Variants in PITX1 observed in about 807,000 individuals in gnomAD.
PITX1 encodes the protein pituitary homeobox 1.
A neutral mutation model predicts 24.1 loss-of-function variants in PITX1; 5 were observed. That is an observed-to-expected ratio of 0.21 (90% CI 0.11 to 0.44). The LOEUF is 0.44. Among genes scored for constraint, PITX1 ranks in the 20% least tolerant of loss-of-function variants. PITX1 has a pLI of 0.99. For synonymous variants in PITX1, 213 were observed against 208.9 expected (o/e 1.02, Z -0.17); for missense variants, 401 against 455.4 (o/e 0.88, Z 1.09).
rs1752498958 is a variant in PITX1 at position 135,033,396 on chromosome 5, G to A, written c.169+317C>T. On this transcript the variant is annotated intron_variant, in intron 1 of 2. Transcript: ENST00000265340. This position sits in a 1 kb window ranked among gnomAD's most constrained non-coding sequence, Gnocchi z 5.9. ...CTCCCTTCGTCCGAGCCGCTCCTTA[G>A]CGCCCAGTTGCGCAAATCAAATTCT... is the stretch of plus-strand genomic sequence containing the variant. 9.2e-5 allele frequency: 37 copies of A among 400,678 alleles called. 1 individual carries two copies. Among genetic ancestry groups the A allele is most frequent in the South Asian group, 9.1e-4 (37 of 40,562 alleles). 24.8% of individuals were successfully genotyped at this position (400,678 alleles called of 1,614,324 possible). A position where few individuals can be genotyped will look rare whatever the true frequency, so the allele number is the denominator to read the frequency against.
In PITX1 at chr5:135,033,467, C is replaced by A; in HGVS notation, c.169+246G>T. 1.8e-6 allele frequency: 1 copy of A among 552,368 alleles called. No individual in the cohort carries two copies. The highest frequency in any genetic ancestry group is 3.2e-6 in the Non-Finnish European group (1 of 311,262). 34.2% of individuals were successfully genotyped at this position (552,368 alleles called of 1,614,324 possible). A position where few individuals can be genotyped will look rare whatever the true frequency, so the allele number is the denominator to read the frequency against. The stretch of plus-strand genomic sequence containing the variant: ...GATCAAGAGGGGCTGTCAGTCCAAC[C>A]CTCCAGCTGTAGGCTCGTGCATCTG... On this transcript the variant is annotated intron_variant, in intron 1 of 2. Transcript: ENST00000265340. This position sits in a 1 kb window ranked among gnomAD's most constrained non-coding sequence, Gnocchi z 5.9.
At chr5:135,034,390 C>A, upstream of PITX1, 1 of 151,410 alleles carries the variant, frequency 6.6e-6, no homozygotes, top group South Asian at 1.9e-4. Context: ...TCACTGCCGC[C>A]CTCCCTCCCT....
In PITX1 at chr5:135,028,901, G is replaced by C; in HGVS notation, c.823C>G (p.Arg275Gly). 8.7e-6 allele frequency: 14 copies of C among 1,613,818 alleles called. No individual in the cohort carries two copies. Among genetic ancestry groups the C allele is most frequent in the Non-Finnish European group, 1.0e-5 (12 of 1,179,948 alleles). ...GTPASPYSVYRDTCNSSLASL... is the reference protein window; with the variant it reads ...GTPASPYSVYGDTCNSSLASL... The stretch of plus-strand genomic sequence containing the variant: ...GCTAGGCTCGAGTTGCACGTGTCCC[G>C]GTAGACGCTGTAGGGCGAGGCGGGA... The change falls in exon 3 of 3, where the codon CGG becomes GGG. Residue 275 changes from arginine to glycine, a missense_variant. Physicochemically the swap from Arg to Gly is moderately radical, Grantham distance 125 (BLOSUM62 -2). Transcript: ENST00000265340.
chr5:135,030,743 G>A (rs999925181), intron 2 of PITX1, among the ~76,000 whole-genome samples: 1 of 152,200 alleles, frequency 6.6e-6, no homozygotes. Flanking sequence ...GCTGGGGAGG[G>A]TGGAGAATAT....
chr5:135,028,089 T>G lies in PITX1; in HGVS notation c.*690A>C, dbSNP rs541464694. ...ACTGCCCGCTGTCGCTCCGTGGCCT[T>G]AATATAGGGCTCCGGGGCGCGGGGC... On this transcript the variant is annotated 3_prime_UTR_variant, in exon 3 of 3. Transcript: ENST00000265340. 1 of 151,686 alleles carries G rather than the reference T, an allele frequency of 6.6e-6. No homozygotes were observed. The highest frequency in any genetic ancestry group is 6.6e-5 in the Admixed American group (1 of 15,260). 9.4% of individuals were successfully genotyped at this position (151,686 alleles called of 1,614,324 possible). A position where few individuals can be genotyped will look rare whatever the true frequency, so the allele number is the denominator to read the frequency against.
In PITX1 at chr5:135,029,304, C is replaced by T. The variant is rs1749611479; in HGVS notation, c.420G>A (p.Arg140=). 6.3e-7 allele frequency: 1 copy of T among 1,599,298 alleles called. No individual in the cohort carries two copies. The highest frequency in any genetic ancestry group is 8.5e-7 in the Non-Finnish European group (1 of 1,171,900). ...GCTCGCGCTTACGCCACTTGGCTCG[C>T]CGGTTCTTGAACCAGACCTGGGGGA... ...EPRVRVWFKN[R]RAKWRKRERN... Residue 140 remains arginine (R), a synonymous_variant, in exon 3 of 3, where the codon CGG becomes CGA. Coordinates refer to ENST00000265340, the MANE Select transcript of PITX1 (RefSeq NM_002653.5).
chr5:135,032,424 G>A (rs1290579369), intron 1 of PITX1, among the ~76,000 whole-genome samples: 1 of 152,312 alleles, frequency 6.6e-6, no homozygotes, highest in East Asian at 1.9e-4. Flanking sequence ...TAAGGCCCTT[G>A]TAGAGATAAT....
At chr5:135,032,637 T>C (rs1214560657) in intron 1 of PITX1, among the ~76,000 whole-genome samples, 1 of 151,890 alleles carries the variant, frequency 6.6e-6, no homozygotes, top group East Asian at 1.9e-4. Flanking sequence ...AATCGAAAGA[T>C]ACAGTTAAAA....
rs1321940412 is a variant in PITX1 at position 135,033,475 on chromosome 5, TG to T, written c.169+237del. On this transcript the variant is annotated intron_variant, in intron 1 of 2. Transcript: ENST00000265340. The surrounding 1 kb of genome is among the most constrained non-coding windows in gnomAD (Gnocchi z 5.9). ...GGGGCTGTCAGTCCAACCCTCCAGC[TG>T]TAGGCTCGTGCATCTGCCAGTCTCT... 16 of 562,580 alleles carry T rather than the reference TG, an allele frequency of 2.8e-5. No individual in the cohort carries two copies. The highest frequency in any genetic ancestry group is 4.7e-5 in the Non-Finnish European group (15 of 316,976). 34.8% of individuals were successfully genotyped at this position (562,580 alleles called of 1,614,324 possible).
chr5:135,030,080 A>G (rs1043185158), intron 2 of PITX1, among the ~76,000 whole-genome samples: 1 of 152,030 alleles, frequency 6.6e-6, no homozygotes, highest in Non-Finnish European at 1.5e-5. Context: ...AAATATTTAA[A>G]TTTTTTCTAT....
Position 135,028,702 on chromosome 5 carries a change from C to CCCCGCGTGCGTCCTCCGCGCCCGCG in PITX1, c.*52_*76dup. The CCCCGCGTGCGTCCTCCGCGCCCGCG allele has an allele frequency of 9.1e-7, 1 of 1,094,432 alleles. No individual in the cohort carries two copies. Among genetic ancestry groups the CCCCGCGTGCGTCCTCCGCGCCCGCG allele is most frequent in the Non-Finnish European group, 1.2e-6 (1 of 864,096 alleles). The allele number at this position is 1,094,432 out of a possible 1,614,324, so 67.8% of individuals were successfully genotyped here. A position where few individuals can be genotyped will look rare whatever the true frequency, so the allele number is the denominator to read the frequency against. On this transcript the variant is annotated 3_prime_UTR_variant, in exon 3 of 3. Coordinates refer to ENST00000265340, the MANE Select transcript of PITX1 (RefSeq NM_002653.5). The stretch of plus-strand genomic sequence containing the variant: ...GTGAGCTGGGGCTTGCGAGCCGGGG[C>CCCCGCGTGCGTCCTCCGCGCCCGCG]CCCGCGTGCGTCCTCCGCGCCCGCG...
In PITX1 at chr5:135,033,140, C is replaced by G; in HGVS notation, c.169+573G>C. On this transcript the variant is annotated intron_variant, in intron 1 of 2. Coordinates refer to ENST00000265340, the MANE Select transcript of PITX1 (RefSeq NM_002653.5). The surrounding 1 kb of genome is among the most constrained non-coding windows in gnomAD (Gnocchi z 5.9). ...GGGCCGGATCCCTTGATCGGCGTTC[C>G]GGCTGGCCTTGCTGGGAGTCCGGCC... 2.9e-6 allele frequency: 1 copy of G among 343,700 alleles called. No homozygotes were observed. The highest frequency in any genetic ancestry group is 2.1e-5 in the South Asian group (1 of 47,880). 21.3% of individuals were successfully genotyped at this position (343,700 alleles called of 1,614,324 possible).
Position 135,028,665 on chromosome 5 carries a change from G to T in PITX1, c.*114C>A. ...GAGGAGGGGGCTGCGCAGGTGTGAG[G>T]TCCGCGGCGCGGTGAGCTGGGGCTT... On this transcript the variant is annotated 3_prime_UTR_variant, in exon 3 of 3. Transcript: ENST00000265340. 1.5e-6 allele frequency: 1 copy of T among 671,322 alleles called. No individual in the cohort carries two copies. Among genetic ancestry groups the T allele is most frequent in the Non-Finnish European group, 2.0e-6 (1 of 491,418 alleles). The allele number at this position is 671,322 out of a possible 1,614,324, so 41.6% of individuals were successfully genotyped here.
At position 135,033,041 on chromosome 5, in the gene PITX1, C is replaced by A. The variant is rs1429724154; in HGVS notation, c.169+672G>T. 2.2e-6 allele frequency: 1 copy of A among 447,822 alleles called. No homozygotes were observed. Among genetic ancestry groups the A allele is most frequent in the Admixed American group, 2.4e-5 (1 of 42,196 alleles). 27.7% of individuals were successfully genotyped at this position (447,822 alleles called of 1,614,324 possible). A position where few individuals can be genotyped will look rare whatever the true frequency, so the allele number is the denominator to read the frequency against. On this transcript the variant is annotated intron_variant, in intron 1 of 2. Transcript: ENST00000265340. The surrounding 1 kb of genome is among the most constrained non-coding windows in gnomAD (Gnocchi z 5.9). Reference sequence around the variant, plus strand: ...AAGCTCCAGCTCGGACAAAAAAAGGCAGCGCGGAGGGAGACGCGCAGGAGC... The same window carrying A: ...AAGCTCCAGCTCGGACAAAAAAAGGAAGCGCGGAGGGAGACGCGCAGGAGC...
rs372983845 is a variant in PITX1, at chr5:135,034,150, C to CCCGGCT, written c.-275_-270dup. 283 of 151,272 alleles carry CCCGGCT rather than the reference C, an allele frequency of 1.9e-3. No individual in the cohort carries two copies. Among genetic ancestry groups the CCCGGCT allele is most frequent in the African/African-American group, 6.1e-3 (248 of 40,750 alleles). The allele number at this position is 151,272 out of a possible 1,614,324, so 9.4% of individuals were successfully genotyped here. On this transcript the variant is annotated 5_prime_UTR_variant, in exon 1 of 3. Coordinates refer to ENST00000265340, the MANE Select transcript of PITX1 (RefSeq NM_002653.5). ...CTCGGGCCTCAGCAGCCCGGCCGGC[C>CCCGGCT]CCGGCTCCGGCTCCGGCTCCGGCTC...
At chr5:135,031,236 C>T in intron 2 of PITX1, 40 bp downstream of exon 2, 2 of 1,533,992 alleles carry the variant, frequency 1.3e-6, no homozygotes. Flanking sequence ...GCCCGGGAGC[C>T]CTCTGCGCGG....
chr5:135,031,335 C>T lies in PITX1; in HGVS notation c.343G>A (p.Asp115Asn), dbSNP rs1752444008. 1 of 1,613,960 alleles carries T rather than the reference C, an allele frequency of 6.2e-7. No individual in the cohort carries two copies. The highest frequency in any genetic ancestry group is 1.7e-5 in the Admixed American group (1 of 60,010). ...GCGATCTCCTCCCTCATGCTCATGT[C>T]GGGGTAGCGGTTCCTCTGGAACGTG... ...EATFQRNRYP[D>N]MSMREEIAVW... is the part of the protein sequence containing the mutation. The change falls in exon 2 of 3, where the codon GAC becomes AAC. Residue 115 changes from aspartate (D) to asparagine (N), a missense_variant. Physicochemically the swap from Asp to Asn is conservative, Grantham distance 23. Coordinates refer to ENST00000265340, the MANE Select transcript of PITX1 (RefSeq NM_002653.5).
At chr5:135,029,421 C>G in intron 2 of PITX1, 100 bp from the exon 3 acceptor site, 1 of 949,772 alleles carries the variant, frequency 1.1e-6, no homozygotes, top group Middle Eastern at 3.3e-4. Context: ...CCGCTGCCCT[C>G]CGAACGTCGT....
chr5:135,032,043 A>C (rs1203678926), intron 1 of PITX1: 1 of 155,090 alleles, frequency 6.4e-6, no homozygotes, highest in Non-Finnish European at 1.4e-5. Context: ...CACCAACTGC[A>C]GCCCAGACAG....
Sources: allele counts gnomAD v4.1 joint callset (sites outside exome capture counted in the v4.1 genomes callset), GRCh38; gene constraint gnomAD v4.1.1; non-coding constraint Gnocchi (gnomAD v3.1); transcripts MANE v1.5; gene names NCBI Gene and HGNC (gene_info 2026-07-23, HGNC 2026-07-21).